Variants in PDSS2 observed in about 807,000 individuals in gnomAD.
The protein encoded by PDSS2 is all trans-polyprenyl-diphosphate synthase PDSS2.
A neutral mutation model predicts 44.5 loss-of-function variants in PDSS2; 31 were observed. The ratio of observed to expected loss-of-function variants is 0.70; its 90% CI spans 0.52 to 0.94. The LOEUF (loss-of-function observed/expected upper bound fraction) is 0.94, where lower values mean the gene tolerates loss of function less well. PDSS2 is among the 40% of genes least tolerant of loss of function. The probability of loss-of-function intolerance (pLI) is 0.00; values close to 1 mark genes in which losing one functional copy is unlikely to be tolerated. For synonymous variants in PDSS2, 157 were observed against 180.3 expected (o/e 0.87, Z 1.03); for missense variants, 452 against 482.2 (o/e 0.94, Z 0.59).
chr6:107,328,950 C>T (rs1256570132), intron 2 of PDSS2, among the ~76,000 whole-genome samples: 1 of 152,220 alleles, frequency 6.6e-6, no homozygotes, highest in Middle Eastern at 3.2e-3. Flanking sequence ...GGGTTCAGGT[C>T]TGGCTCAGCC....
chr6:107,458,841 C>T, intron 1 of PDSS2, 149 bp downstream of exon 1: 1 of 696,450 alleles, frequency 1.4e-6, no homozygotes, highest in Non-Finnish European at 2.5e-6. Flanking sequence ...GAAGAGACAA[C>T]ACGGAATGTC....
chr6:107,363,238 CA>C (rs1778836903), intron 1 of PDSS2, among the ~76,000 whole-genome samples: 1 of 152,226 alleles, frequency 6.6e-6, no homozygotes, highest in African/African-American at 2.4e-5. Context: ...ACATCAGAGA[CA>C]AACTGTTGAA....
intron 4 of PDSS2, among the ~76,000 whole-genome samples, chr6:107,213,312 ATTT>A (rs35799290): frequency 5.5e-5 from 8 of 144,146 alleles, no homozygotes; most frequent in Admixed American, 1.4e-4. Flanking sequence ...CACCCAGATA[ATTT>A]TTTTTTTTTT....
At position 107,452,722 on chromosome 6, in the gene PDSS2, T is replaced by A. The variant is rs150417887; in HGVS notation, c.296+6268A>T. ...CACTCTGTCTCCCAGGCTGGCTTGCTGTGGCGCAATCTCGGCTCACTGCAA... is the reference window on the plus strand; with the variant it reads ...CACTCTGTCTCCCAGGCTGGCTTGCAGTGGCGCAATCTCGGCTCACTGCAA... On this transcript the variant is annotated intron_variant, in intron 1 of 7. Transcript: ENST00000369037. Among the ~76,000 whole-genome samples, 1,334 of 151,544 alleles carry A rather than the reference T, an allele frequency of 8.8e-3. 50 individuals are homozygous for A. In the East Asian group the frequency reaches 0.12, roughly 13 times the overall value.
intron 1 of PDSS2, among the ~76,000 whole-genome samples, chr6:107,434,938 T>A (rs1026388020): frequency 6.6e-6 from 1 of 151,998 alleles, no homozygotes; most frequent in Non-Finnish European, 1.5e-5. Flanking sequence ...TATGTACTCA[T>A]AAAAATTTTT....
intron 2 of PDSS2, among the ~76,000 whole-genome samples, chr6:107,314,838 A>T (rs879440596): frequency 1.3e-5 from 2 of 152,256 alleles, no homozygotes; most frequent in Non-Finnish European, 2.9e-5. Flanking sequence ...TATTAACAAA[A>T]GGGAAAAGAA....
In PDSS2 at chr6:107,459,562, C is replaced by G. The variant is rs1167167011; in HGVS notation, c.-277G>C. The G allele has an allele frequency of 1.4e-5, 7 of 488,232 alleles. No individual in the cohort carries two copies. The highest frequency in any genetic ancestry group is 2.6e-5 in the Non-Finnish European group (7 of 271,590). 30.2% of individuals were successfully genotyped at this position (488,232 alleles called of 1,614,324 possible). On this transcript the variant is annotated 5_prime_UTR_variant, in exon 1 of 8. An upstream start codon of the reference 5' UTR is lost. Transcript: ENST00000369037. The surrounding 1 kb of genome is among the most constrained non-coding windows in gnomAD (Gnocchi z 4.3). ...TATGTGGAGGACGCCATATTGGAGG[C>G]ATGGAATGCGGCCTGCCGTAAAGAC...
At chr6:107,447,500 TA>T (rs1781725876) in intron 1 of PDSS2, among the ~76,000 whole-genome samples, 3 of 152,144 alleles carry the variant, frequency 2.0e-5, no homozygotes, top group Admixed American at 6.5e-5. Flanking sequence ...GGGCAGTCAT[TA>T]AACCTTAAAA....
chr6:107,299,146 C>CAAAAAAAAAA (rs71991148), intron 2 of PDSS2, among the ~76,000 whole-genome samples: 1 of 53,468 alleles, frequency 1.9e-5, no homozygotes, highest in Non-Finnish European at 3.1e-5. Context: ...GACCCTGTCT[C>CAAAAAAAAAA]AAAAAAAAAA....
At chr6:107,158,273 C>T (rs1338266563) in intron 7 of PDSS2, among the ~76,000 whole-genome samples, 1 of 151,708 alleles carries the variant, frequency 6.6e-6, no homozygotes, top group Non-Finnish European at 1.5e-5. Flanking sequence ...GCAACCTCCA[C>T]CTCTCGGGTT....
rs1382513757 is a variant in PDSS2, at chr6:107,400,392, G to A, written c.296+58598C>T. Among the ~76,000 whole-genome samples, 6 of 152,190 alleles carry A rather than the reference G, an allele frequency of 3.9e-5. No individual in the cohort carries two copies. In the East Asian group the frequency reaches 1.2e-3, roughly 29 times the overall value. On this transcript the variant is annotated intron_variant, in intron 1 of 7. Coordinates refer to ENST00000369037, the MANE Select transcript of PDSS2 (RefSeq NM_020381.4). ...CCACAGTCAGAACCAAGAGGTGAATGTGGTGTGAGCTCCAGCTGCAGGTGC... is the reference window on the plus strand; with the variant it reads ...CCACAGTCAGAACCAAGAGGTGAATATGGTGTGAGCTCCAGCTGCAGGTGC...
At chr6:107,254,011 T>C (rs1278927716) in intron 3 of PDSS2, among the ~76,000 whole-genome samples, 5 of 151,606 alleles carry the variant, frequency 3.3e-5, no homozygotes, top group East Asian at 1.9e-4. Flanking sequence ...GAAGCAATTT[T>C]CTTTTCTTTT....
intron 2 of PDSS2, among the ~76,000 whole-genome samples, chr6:107,281,404 G>T (rs564795193): frequency 2.6e-4 from 39 of 152,236 alleles, no homozygotes; most frequent in Non-Finnish European, 4.9e-4. Flanking sequence ...TTAGAGTCTT[G>T]TTATATGCAG....
chr6:107,284,374 T>TAA (rs1334523894), intron 2 of PDSS2, among the ~76,000 whole-genome samples: 1 of 151,898 alleles, frequency 6.6e-6, no homozygotes, highest in Non-Finnish European at 1.5e-5. Context: ...TAAAATTTGT[T>TAA]AACTGGCTGG....
intron 1 of PDSS2, among the ~76,000 whole-genome samples, chr6:107,429,936 A>ATATATATG (rs1562534414): frequency 7.7e-6 from 1 of 130,024 alleles, no homozygotes; most frequent in Non-Finnish European, 1.6e-5. Flanking sequence ...ATATATATAT[A>ATATATATG]TACACCAAAC....
At chr6:107,345,344 C>A (rs1410776348) in intron 1 of PDSS2, among the ~76,000 whole-genome samples, 11 of 147,496 alleles carry the variant, frequency 7.5e-5, no homozygotes, top group Non-Finnish European at 1.6e-4. Context: ...GTATGTAGGC[C>A]TGTTTTTACC....
intron 1 of PDSS2, among the ~76,000 whole-genome samples, chr6:107,417,308 T>C (rs1780692154): frequency 6.6e-6 from 1 of 152,176 alleles, no homozygotes. Context: ...ATGACCAATA[T>C]TGGCAAAGAT....
chr6:107,396,511 T>C (rs1157111410), intron 1 of PDSS2, among the ~76,000 whole-genome samples: 5 of 152,198 alleles, frequency 3.3e-5, no homozygotes, highest in African/African-American at 9.6e-5. Flanking sequence ...CAGTTGTTTA[T>C]AGAGAAATGG....
intron 3 of PDSS2, among the ~76,000 whole-genome samples, chr6:107,260,658 A>AT (rs540553793): frequency 0.018 from 1,720 of 93,402 alleles, 69 homozygotes; most frequent in African/African-American, 0.055. Context: ...TTCCCCCTTC[A>AT]TTTTTTTTTT....
Sources: allele counts gnomAD v4.1 joint callset (sites outside exome capture counted in the v4.1 genomes callset), GRCh38; gene constraint gnomAD v4.1.1; non-coding constraint Gnocchi (gnomAD v3.1); transcripts MANE v1.5; gene names NCBI Gene and HGNC (gene_info 2026-07-23, HGNC 2026-07-21).